SLC24A3: variants seen among roughly 807,000 people sequenced by gnomAD.
SLC24A3 encodes sodium/potassium/calcium exchanger 3.
A neutral mutation model predicts 75.8 loss-of-function variants in SLC24A3; 28 were observed. The ratio of observed to expected loss-of-function variants is 0.37; its 90% CI spans 0.27 to 0.51. The LOEUF is 0.51. Ranked by LOEUF, SLC24A3 falls within the 20% of genes least tolerant of loss-of-function variation. The pLI, the probability that SLC24A3 is intolerant of heterozygous loss-of-function variation, is 0.94. For missense variants in SLC24A3, 663 were observed against 847.8 expected, an observed-to-expected ratio of 0.78 and a Z score of 2.71; for synonymous variants, 372 against 334.1, an observed-to-expected ratio of 1.11 and a Z score of -1.24.
At chr20:19,617,210 G>A (rs560321796) in intron 6 of SLC24A3, among the ~76,000 whole-genome samples, 3 of 152,270 alleles carry the variant, frequency 2.0e-5, no homozygotes, top group African/African-American at 2.4e-5. Flanking sequence ...CTGGACTCTC[G>A]AGTCTGATGA....
At chr20:19,498,850 G>A (rs774678047) in intron 2 of SLC24A3, among the ~76,000 whole-genome samples, 12 of 152,280 alleles carry the variant, frequency 7.9e-5, no homozygotes, top group Non-Finnish European at 1.5e-4. Flanking sequence ...AATGTTTTGC[G>A]TGACTTCCTA....
chr20:19,488,204 G>C (rs1219163854), intron 2 of SLC24A3, among the ~76,000 whole-genome samples: 2 of 152,218 alleles, frequency 1.3e-5, no homozygotes, highest in East Asian at 3.9e-4. Context: ...ACCTCAGGCA[G>C]TGCTCAGTCC....
At chr20:19,234,080 T>C (rs181551930) in intron 1 of SLC24A3, among the ~76,000 whole-genome samples, 3 of 152,204 alleles carry the variant, frequency 2.0e-5, no homozygotes, top group Non-Finnish European at 2.9e-5. Flanking sequence ...CTTTTGTAAA[T>C]GTTATTTTCT....
chr20:19,503,249 A>G (rs184764607), intron 2 of SLC24A3, among the ~76,000 whole-genome samples: 73 of 152,272 alleles, frequency 4.8e-4, no homozygotes, highest in African/African-American at 1.7e-3. Context: ...GGCACTTAGT[A>G]TGTTTCATTC....
chr20:19,332,215 T>A (rs1160394970), intron 2 of SLC24A3, among the ~76,000 whole-genome samples: 1 of 152,160 alleles, frequency 6.6e-6, no homozygotes, highest in Non-Finnish European at 1.5e-5. Context: ...TGTCTCCATA[T>A]ATCACTCTGA....
intron 15 of SLC24A3, among the ~76,000 whole-genome samples, chr20:19,701,307 G>A (rs561546412): frequency 2.6e-5 from 4 of 151,964 alleles, no homozygotes; most frequent in South Asian, 2.1e-4. Flanking sequence ...GCTGAGACAC[G>A]AGGGCATGAA....
intron 2 of SLC24A3, among the ~76,000 whole-genome samples, chr20:19,410,255 G>A (rs1015070646): frequency 6.6e-6 from 1 of 152,102 alleles, no homozygotes; most frequent in African/African-American, 2.4e-5. Flanking sequence ...GCACCCAGAG[G>A]GAGAAAAATA....
At chr20:19,388,579 T>C (rs1294412272) in intron 2 of SLC24A3, among the ~76,000 whole-genome samples, 1 of 152,026 alleles carries the variant, frequency 6.6e-6, no homozygotes, top group Non-Finnish European at 1.5e-5. Flanking sequence ...GGCGTGGTGG[T>C]GGGTGCCTGT....
intron 8 of SLC24A3, among the ~76,000 whole-genome samples, chr20:19,667,146 G>C (rs893309347): frequency 3.3e-5 from 5 of 152,176 alleles, no homozygotes; most frequent in Non-Finnish European, 5.9e-5. Flanking sequence ...TTCAGAATTA[G>C]GGGGCAGTGG....
intron 3 of SLC24A3, among the ~76,000 whole-genome samples, chr20:19,538,798 A>G (rs980373329): frequency 6.6e-6 from 1 of 152,220 alleles, no homozygotes; most frequent in African/African-American, 2.4e-5. Context: ...TATACATGCA[A>G]TGAAGGTACT....
intron 2 of SLC24A3, among the ~76,000 whole-genome samples, chr20:19,395,775 A>G (rs769193062): frequency 1.6e-4 from 25 of 152,202 alleles, no homozygotes; most frequent in Non-Finnish European, 3.1e-4. Flanking sequence ...GAAGGAGAAT[A>G]GCATGTGAAA....
intron 2 of SLC24A3, among the ~76,000 whole-genome samples, chr20:19,448,832 C>T (rs1987433061): frequency 6.6e-6 from 1 of 152,208 alleles, no homozygotes; most frequent in African/African-American, 2.4e-5. Context: ...AGTCCTGGCC[C>T]CTACTCAACC....
At chr20:19,446,895 C>T (rs1323912942) in intron 2 of SLC24A3, among the ~76,000 whole-genome samples, 2 of 152,208 alleles carry the variant, frequency 1.3e-5, no homozygotes, top group African/African-American at 2.4e-5. Context: ...CAGATTATCC[C>T]ACTTTGTGTC....
At chr20:19,248,947 G>A (rs1453322437) in intron 1 of SLC24A3, among the ~76,000 whole-genome samples, 1 of 150,808 alleles carries the variant, frequency 6.6e-6, no homozygotes, top group Non-Finnish European at 1.5e-5. Context: ...CAGACACATA[G>A]AAGCAGGGAA....
rs146583328 is a variant in SLC24A3 at position 19,553,067 on chromosome 20, TTCCCTCCCTCCC to T, written c.349-26917_349-26906del. On this transcript the variant is annotated intron_variant, in intron 3 of 16. Transcript: ENST00000328041. The stretch of plus-strand genomic sequence containing the variant: ...CCTCCTTCTTTCCTTCCCTCCTTCC[TTCCCTCCCTCCC>T]TCCCTCCCTCCCTCCTTCCTTCCTT... Among the ~76,000 whole-genome samples the T allele has an allele frequency of 9.1e-5, 9 of 99,040 alleles. No individual in the cohort carries two copies. In the East Asian group the frequency reaches 9.5e-4, roughly 10 times the overall value. 65.0% of individuals were successfully genotyped at this position (99,040 alleles called of 152,430 possible).
At chr20:19,537,645 T>A (rs1185462207) in intron 3 of SLC24A3, among the ~76,000 whole-genome samples, 5 of 152,020 alleles carry the variant, frequency 3.3e-5, no homozygotes, top group Admixed American at 6.6e-5. Flanking sequence ...CAACAATGAT[T>A]GACTGGATTA....
At chr20:19,645,990 G>A (rs763729098) in intron 6 of SLC24A3, among the ~76,000 whole-genome samples, 12 of 152,166 alleles carry the variant, frequency 7.9e-5, no homozygotes, top group Non-Finnish European at 1.6e-4. Context: ...GGGAAGTCGA[G>A]GCTGCAGTGA....
intron 2 of SLC24A3, among the ~76,000 whole-genome samples, chr20:19,466,674 G>A (rs1236285157): frequency 6.7e-6 from 1 of 149,190 alleles, no homozygotes; most frequent in African/African-American, 2.6e-5. Flanking sequence ...CCTATATTTA[G>A]GGGCTTTCAG....
intron 6 of SLC24A3, among the ~76,000 whole-genome samples, chr20:19,604,027 G>T (rs772444825): frequency 6.6e-6 from 1 of 152,222 alleles, no homozygotes; most frequent in Non-Finnish European, 1.5e-5. Flanking sequence ...GTGTGGTCCA[G>T]TCACTTACTC....
Sources: gnomAD v4.1 joint callset for allele counts (sites outside exome capture counted in the v4.1 genomes callset) on GRCh38, gnomAD v4.1.1 for gene constraint, MANE v1.5 for transcripts, NCBI Gene and HGNC (gene_info 2026-07-23, HGNC 2026-07-21) for gene names.